The following ARB2A variants were observed in gnomAD, a reference collection of about 807,000 sequenced individuals.
The protein encoded by ARB2A is cotranscriptional regulator ARB2A.
chr5:93,885,804 T>C, the ARB2A span, among the ~76,000 whole-genome samples: 7 of 151,882 alleles, frequency 4.6e-5, no homozygotes, highest in South Asian at 2.1e-4. Flanking sequence ...TTCCTAGACA[T>C]AGCATTTTAT....
chr5:94,020,119 T>C, the ARB2A span, among the ~76,000 whole-genome samples: 3 of 152,036 alleles, frequency 2.0e-5, no homozygotes, highest in Non-Finnish European at 2.9e-5. Flanking sequence ...TGCAGGGACA[T>C]GGATGAAGCT....
At chr5:93,740,946 C>G in the ARB2A span, 4 of 1,613,994 alleles carry the variant, frequency 2.5e-6, no homozygotes, top group Non-Finnish European at 3.4e-6. Context: ...CAGACTGTTG[C>G]AGGATCATCT....
chr5:93,631,842 G>A, the ARB2A span, among the ~76,000 whole-genome samples: 10 of 151,928 alleles, frequency 6.6e-5, no homozygotes, highest in Admixed American at 1.3e-4. Context: ...GCTAGCGCAG[G>A]GAAGAATGAG....
At chr5:93,695,784 C>A in the ARB2A span, among the ~76,000 whole-genome samples, 1 of 152,120 alleles carries the variant, frequency 6.6e-6, no homozygotes, top group Non-Finnish European at 1.5e-5. Flanking sequence ...TGGATCCAAC[C>A]CAAATGCCCA....
At chr5:93,841,777 T>C in the ARB2A span, among the ~76,000 whole-genome samples, 3 of 152,174 alleles carry the variant, frequency 2.0e-5, no homozygotes, top group Non-Finnish European at 4.4e-5. Flanking sequence ...TGCTATTCTT[T>C]ATAGTAATGA....
chr5:93,958,739 A>T, the ARB2A span: 1 of 1,434,136 alleles, frequency 7.0e-7, no homozygotes, highest in Non-Finnish European at 9.3e-7. Context: ...ACAGTACTAT[A>T]AAATGCCAAA....
the ARB2A span, among the ~76,000 whole-genome samples, chr5:93,803,262 T>C: frequency 6.6e-6 from 1 of 152,062 alleles, no homozygotes; most frequent in African/African-American, 2.4e-5. Flanking sequence ...ACAAAAACAT[T>C]ATACATATAA....
the ARB2A span, chr5:93,619,244 A>C: frequency 6.6e-6 from 1 of 152,246 alleles, no homozygotes; most frequent in Non-Finnish European, 1.5e-5. Flanking sequence ...TACTCATTTT[A>C]AGCCATCTGG....
At chr5:93,692,165 C>G in the ARB2A span, among the ~76,000 whole-genome samples, 1 of 152,158 alleles carries the variant, frequency 6.6e-6, no homozygotes, top group Non-Finnish European at 1.5e-5. Context: ...GGCTCAAATT[C>G]ACACATAACA....
the ARB2A span, among the ~76,000 whole-genome samples, chr5:93,882,432 T>A: frequency 6.6e-6 from 1 of 151,150 alleles, no homozygotes; most frequent in Non-Finnish European, 1.5e-5. Flanking sequence ...AATCAGGAAA[T>A]AAGCAAGGTT....
chr5:93,993,522 T>C, the ARB2A span, among the ~76,000 whole-genome samples: 1 of 152,152 alleles, frequency 6.6e-6, no homozygotes, highest in Non-Finnish European at 1.5e-5. Context: ...ATTCACGTCA[T>C]CCACTATAAA....
the ARB2A span, among the ~76,000 whole-genome samples, chr5:93,859,141 T>A: frequency 2.6e-5 from 4 of 152,026 alleles, no homozygotes; most frequent in Non-Finnish European, 5.9e-5. Flanking sequence ...TTCAAATCAG[T>A]GAAAAAAGAA....
the ARB2A span, among the ~76,000 whole-genome samples, chr5:93,874,272 C>T: frequency 1.3e-5 from 2 of 152,062 alleles, no homozygotes; most frequent in Non-Finnish European, 2.9e-5. Flanking sequence ...TTTTGTTATT[C>T]ATAACAATCC....
chr5:93,629,400 A>T, the ARB2A span, among the ~76,000 whole-genome samples: 1 of 150,476 alleles, frequency 6.6e-6, no homozygotes, highest in Non-Finnish European at 1.5e-5. Context: ...GCACATGCTG[A>T]TTTTTTTTTT....
At chr5:93,857,113 G>A in the ARB2A span, among the ~76,000 whole-genome samples, 1 of 152,264 alleles carries the variant, frequency 6.6e-6, no homozygotes, top group South Asian at 2.1e-4. Flanking sequence ...CACGAACCGC[G>A]AATGCTGCTG....
At chr5:93,766,947 C>A in the ARB2A span, among the ~76,000 whole-genome samples, 1 of 151,224 alleles carries the variant, frequency 6.6e-6, no homozygotes, top group South Asian at 2.1e-4. Flanking sequence ...GGACAAAAAA[C>A]CAAACACCGC....
At chr5:93,702,591 C>T in the ARB2A span, among the ~76,000 whole-genome samples, 1 of 152,124 alleles carries the variant, frequency 6.6e-6, no homozygotes, top group South Asian at 2.1e-4. Flanking sequence ...ATCTGACATA[C>T]AGGGGGCTCA....
chr5:93,948,115 T>C, the ARB2A span, among the ~76,000 whole-genome samples: 1 of 152,118 alleles, frequency 6.6e-6, no homozygotes, highest in East Asian at 1.9e-4. Context: ...TTGAACTAGT[T>C]TACAGTCCCA....
At chr5:93,683,489 G>T in the ARB2A span, 1 of 1,584,508 alleles carries the variant, frequency 6.3e-7, no homozygotes, top group Non-Finnish European at 8.6e-7. Flanking sequence ...TTTCAAAGTT[G>T]CCAGTGTTAC....
Sources: allele counts gnomAD v4.1 joint callset (sites outside exome capture counted in the v4.1 genomes callset), GRCh38; gene constraint gnomAD v4.1.1; transcripts MANE v1.5; gene names NCBI Gene and HGNC (gene_info 2026-07-23, HGNC 2026-07-21).